ADGRL4: variants seen among roughly 807,000 people sequenced by gnomAD.
ADGRL4 encodes EGF, latrophilin and seven transmembrane domain containing 1.
Under a neutral mutation model 74.8 loss-of-function variants are expected in ADGRL4, and 90 were observed. The ratio of observed to expected loss-of-function variants is 1.20; its 90% CI spans 1.02 to 1.43. The LOEUF is 1.43. Among genes scored for constraint, ADGRL4 ranks in the 40% most tolerant of loss-of-function variants. ADGRL4 has a pLI of 0.00. For synonymous variants in ADGRL4, 311 were observed against 279.2 expected (o/e 1.11, Z -1.14); for missense variants, 881 against 814.3 (o/e 1.08, Z -1.00).
At chr1:78,946,468 A>G (rs753254296) in intron 2 of ADGRL4, 42 bp from the exon 3 acceptor site, 1 of 1,505,336 alleles carries the variant, frequency 6.6e-7, no homozygotes, top group South Asian at 1.3e-5. Context: ...TATATAATTG[A>G]CATAAATTTT....
chr1:78,972,758 A>G (rs1650194775), intron 2 of ADGRL4, among the ~76,000 whole-genome samples: 1 of 152,178 alleles, frequency 6.6e-6, no homozygotes, highest in South Asian at 2.1e-4. Context: ...AGTTTCTCAA[A>G]TTGTAAGACC....
Position 78,936,367 on chromosome 1 carries a change from G to A in ADGRL4, c.805C>T (p.His269Tyr), listed in dbSNP as rs753549518. The A allele has an allele frequency of 1.1e-5, 18 of 1,581,570 alleles. No homozygotes were observed. The Admixed American group carries it at 1.3e-4, about 12-fold the overall frequency. The part of the protein sequence containing the change: ...FFDSYNMKHI[H>Y]PHMNMDGDYI... ...TCTCCATCCATATTCATATGAGGAT[G>A]AATATGTTTCATGTTATATGAATCA... Residue 269 changes from histidine to tyrosine, a missense_variant, in exon 7 of 15, where the codon CAT (histidine) becomes TAT (tyrosine). Transcript: ENST00000370742.
chr1:78,907,383 A>T (rs1648665219), intron 12 of ADGRL4, among the ~76,000 whole-genome samples: 2 of 152,014 alleles, frequency 1.3e-5, no homozygotes, highest in Non-Finnish European at 2.9e-5. Context: ...TCATTTATTC[A>T]TTCAACAGTA....
chr1:78,989,426 T>C (rs1269663117), intron 2 of ADGRL4, among the ~76,000 whole-genome samples: 2 of 151,894 alleles, frequency 1.3e-5, no homozygotes, highest in Non-Finnish European at 2.9e-5. Flanking sequence ...AACTTATTCT[T>C]TAAAGAACGC....
intron 12 of ADGRL4, among the ~76,000 whole-genome samples, chr1:78,905,130 C>T (rs1255906668): frequency 6.6e-6 from 1 of 152,000 alleles, no homozygotes; most frequent in East Asian, 1.9e-4. Context: ...ATATTTTCCA[C>T]TTTCAGGACT....
At chr1:78,964,043 G>T (rs891332492) in intron 2 of ADGRL4, among the ~76,000 whole-genome samples, 1 of 152,126 alleles carries the variant, frequency 6.6e-6, no homozygotes, top group African/African-American at 2.4e-5. Flanking sequence ...GTGTGAAGAC[G>T]ATTTAACTAA....
intron 8 of ADGRL4, among the ~76,000 whole-genome samples, chr1:78,922,860 T>C (rs1278753221): frequency 6.6e-6 from 1 of 151,990 alleles, no homozygotes; most frequent in Non-Finnish European, 1.5e-5. Flanking sequence ...AAATGTATAA[T>C]ATATACTGTT....
intron 12 of ADGRL4, among the ~76,000 whole-genome samples, chr1:78,895,527 T>C (rs1648377951): frequency 6.6e-6 from 1 of 152,142 alleles, no homozygotes; most frequent in South Asian, 2.1e-4. Flanking sequence ...AATGAAGGTT[T>C]AGGAAGTACC....
chr1:78,900,616 G>A (rs1648496639), intron 12 of ADGRL4, among the ~76,000 whole-genome samples: 1 of 152,054 alleles, frequency 6.6e-6, no homozygotes, highest in African/African-American at 2.4e-5. Context: ...CTGTTCTTGT[G>A]ACAGAGTTCT....
At chr1:78,977,058 G>A (rs1650300243) in intron 2 of ADGRL4, among the ~76,000 whole-genome samples, 1 of 151,484 alleles carries the variant, frequency 6.6e-6, no homozygotes, top group Non-Finnish European at 1.5e-5. Flanking sequence ...TACATACAAA[G>A]CACCATGACT....
At chr1:78,948,328 A>G (rs1287945628) in intron 2 of ADGRL4, among the ~76,000 whole-genome samples, 1 of 152,162 alleles carries the variant, frequency 6.6e-6, no homozygotes, top group East Asian at 1.9e-4. Context: ...GGGTAATGTA[A>G]CAGTTTGATT....
intron 2 of ADGRL4, among the ~76,000 whole-genome samples, chr1:78,988,061 A>C (rs953845733): frequency 6.6e-6 from 1 of 151,822 alleles, no homozygotes; most frequent in Non-Finnish European, 1.5e-5. Flanking sequence ...AATGTATTAG[A>C]ATTTAAAATA....
chr1:78,976,447 GA>G (rs972340518), intron 2 of ADGRL4, among the ~76,000 whole-genome samples: 1 of 150,834 alleles, frequency 6.6e-6, no homozygotes, highest in Non-Finnish European at 1.5e-5. Context: ...AAAATAAAAT[GA>G]AAAAAAATCC....
chr1:78,928,773 C>T (rs548133518), intron 7 of ADGRL4, among the ~76,000 whole-genome samples: 1 of 151,372 alleles, frequency 6.6e-6, no homozygotes, highest in African/African-American at 2.4e-5. Context: ...TTCCTTATTC[C>T]TATTTTGTTT....
At chr1:78,896,310 A>G (rs1335138041) in intron 12 of ADGRL4, among the ~76,000 whole-genome samples, 1 of 152,190 alleles carries the variant, frequency 6.6e-6, no homozygotes, top group East Asian at 1.9e-4. Context: ...GTCCCAAGAC[A>G]GGTACTTCCT....
intron 2 of ADGRL4, among the ~76,000 whole-genome samples, chr1:78,998,785 T>C (rs1570280443): frequency 2.6e-5 from 4 of 152,194 alleles, no homozygotes; most frequent in Admixed American, 2.6e-4. Flanking sequence ...ATTCACTTTC[T>C]TTATTTGCAA....
rs557208615 is a variant in ADGRL4, at chr1:78,917,690, T to G, written c.1693A>C (p.Ser565Arg). The G allele has an allele frequency of 1.2e-6, 2 of 1,608,290 alleles. No homozygotes were observed. Among genetic ancestry groups the G allele is most frequent in the Non-Finnish European group, 1.7e-6 (2 of 1,176,986 alleles). Residue 565 changes from serine to arginine, a missense_variant, in exon 12 of 15, where the codon AGC becomes CGC. Ser to Arg is a moderately radical substitution (Grantham distance 110). Coordinates refer to ENST00000370742, the MANE Select transcript of ADGRL4 (RefSeq NM_022159.4). ...CTCCAAATAAAGTTGTTTTCGGTGC[T>G]AAGCCAACATCTGAAAAGTAAATAA... Reference protein sequence around the residue: ...YYGTTKVCWLSTENNFIWSFI... With the variant: ...YYGTTKVCWLRTENNFIWSFI...
chr1:78,896,223 T>C (rs534596677), intron 12 of ADGRL4, among the ~76,000 whole-genome samples: 1 of 152,282 alleles, frequency 6.6e-6, no homozygotes, highest in African/African-American at 2.4e-5. Context: ...TGTTTTTCTC[T>C]ATAGAATACT....
chr1:78,901,718 C>T (rs1213843762), intron 12 of ADGRL4, among the ~76,000 whole-genome samples: 2 of 152,174 alleles, frequency 1.3e-5, no homozygotes, highest in African/African-American at 2.4e-5. Context: ...CACCTATTGT[C>T]AGATTTGTAG....
Sources: gnomAD v4.1 joint callset for allele counts (sites outside exome capture counted in the v4.1 genomes callset) on GRCh38, gnomAD v4.1.1 for gene constraint, MANE v1.5 for transcripts, NCBI Gene and HGNC (gene_info 2026-07-23, HGNC 2026-07-21) for gene names.